The following CUL5 variants were observed in gnomAD, a reference collection of about 807,000 sequenced individuals.
CUL5 encodes the protein cullin 5, also known as cullin-5.
A neutral mutation model predicts 108.8 loss-of-function variants in CUL5; 26 were observed. That is an observed-to-expected ratio of 0.24 (90% confidence interval 0.18 to 0.33). CUL5 has a LOEUF of 0.33. Ranked by LOEUF, CUL5 falls within the 10% of genes least tolerant of loss-of-function variation. CUL5 has a pLI of 1.00. For missense variants in CUL5, 524 were observed against 909.2 expected (o/e 0.58, Z 5.45); for synonymous variants, 334 against 298.0 (o/e 1.12, Z -1.25).
At chr11:108,021,771 C>G (rs1565232854) in intron 1 of CUL5, among the ~76,000 whole-genome samples, 1 of 151,916 alleles carries the variant, frequency 6.6e-6, no homozygotes, top group East Asian at 1.9e-4. Context: ...CTGCCTTGAC[C>G]TCCCACAGTA....
intron 2 of CUL5, among the ~76,000 whole-genome samples, chr11:108,036,261 T>G (rs913324596): frequency 4.6e-5 from 7 of 152,192 alleles, no homozygotes; most frequent in Admixed American, 6.5e-5. Flanking sequence ...TTGTGGAGAT[T>G]TATTCTGCTC....
At chr11:108,017,592 G>A (rs1243140129) in intron 1 of CUL5, among the ~76,000 whole-genome samples, 4 of 151,992 alleles carry the variant, frequency 2.6e-5, no homozygotes, top group Non-Finnish European at 4.4e-5. Context: ...GCTCACGCCT[G>A]TAATTGCAGC....
intron 7 of CUL5, among the ~76,000 whole-genome samples, chr11:108,068,672 T>C (rs906188507): frequency 1.3e-5 from 2 of 152,206 alleles, no homozygotes; most frequent in Non-Finnish European, 2.9e-5. Flanking sequence ...ATCAGCCTTA[T>C]TGTACTTAAC....
In CUL5 at chr11:108,009,335, C is replaced by T; in HGVS notation, c.-14C>T. The T allele has an allele frequency of 6.2e-7, 1 of 1,612,748 alleles. No individual in the cohort carries two copies. The highest frequency in any genetic ancestry group is 8.5e-7 in the Non-Finnish European group (1 of 1,179,430). On this transcript the variant is annotated 5_prime_UTR_variant, in exon 1 of 19. Transcript: ENST00000393094. ...AATTCTCGCGTCGTCTCGCGAGAGTCCAAGTTAAAGAACATGGCGACGTCT... is the reference window on the plus strand; with the variant it reads ...AATTCTCGCGTCGTCTCGCGAGAGTTCAAGTTAAAGAACATGGCGACGTCT...
chr11:108,078,436 T>C (rs563918178), intron 11 of CUL5, among the ~76,000 whole-genome samples, 196 bp downstream of exon 11: 13 of 151,654 alleles, frequency 8.6e-5, no homozygotes, highest in East Asian at 3.9e-4. Flanking sequence ...GACTTTATTT[T>C]TTCAGGTAAA....
intron 1 of CUL5, among the ~76,000 whole-genome samples, chr11:108,020,867 ACATT>A (rs1862312090): frequency 6.6e-6 from 1 of 152,208 alleles, no homozygotes; most frequent in South Asian, 2.1e-4. Context: ...CTAGACCTTC[ACATT>A]CACTCACTAC....
intron 7 of CUL5, among the ~76,000 whole-genome samples, chr11:108,058,148 G>A (rs1219131204): frequency 1.4e-5 from 2 of 140,722 alleles, no homozygotes; most frequent in Non-Finnish European, 3.0e-5. Context: ...GGCAGAGGTT[G>A]CAGTGAGCCG....
In CUL5 at chr11:108,098,406, A is replaced by G; in HGVS notation, c.2025A>G (p.Ile675Met). The change falls in exon 18 of 19, where the codon ATA (isoleucine) becomes ATG (methionine). Residue 675 changes from isoleucine to methionine, a missense_variant and splice_region_variant. Transcript: ENST00000393094. ...LFSVNQEFSL[I>M]KNAKVQKRGK... is the part of the protein sequence containing the mutation. ...ATACTTGATGCAATTCTTTTTGTAG[A>G]AAAAATGCAAAGGTTCAGAAAAGGG... 2 of 1,599,972 alleles carry G rather than the reference A, an allele frequency of 1.3e-6. No individual in the cohort carries two copies. Among genetic ancestry groups the G allele is most frequent in the Non-Finnish European group, 1.7e-6 (2 of 1,175,228 alleles).
chr11:108,019,508 AT>A (rs1176776533), intron 1 of CUL5, among the ~76,000 whole-genome samples: 1 of 152,178 alleles, frequency 6.6e-6, no homozygotes, highest in Non-Finnish European at 1.5e-5. Context: ...CGGATCACAT[AT>A]ATAATGGTGG....
intron 8 of CUL5, 48 bp downstream of exon 8, chr11:108,070,237 C>A (rs772029658): frequency 2.7e-5 from 37 of 1,368,336 alleles, no homozygotes; most frequent in Non-Finnish European, 3.8e-5. Context: ...AAGAGGGTAT[C>A]TTTGAAACAA....
At chr11:108,094,682 TCAAAA>T in intron 14 of CUL5, 125 bp from the exon 15 acceptor site, 1 of 872,982 alleles carries the variant, frequency 1.1e-6, no homozygotes, top group Non-Finnish European at 1.7e-6. Context: ...GATCTTTATT[TCAAAA>T]CAAAAGGACA....
At chr11:108,054,854 T>C (rs369821434) in intron 6 of CUL5, 21 bp from the exon 7 acceptor site, 782 of 1,603,314 alleles carry the variant, frequency 4.9e-4, no homozygotes, top group Non-Finnish European at 5.2e-4. Context: ...TTAAAATGAT[T>C]GCTATTTTGC....
intron 2 of CUL5, among the ~76,000 whole-genome samples, chr11:108,044,661 C>G (rs1469058420): frequency 6.6e-6 from 1 of 151,896 alleles, no homozygotes; most frequent in Non-Finnish European, 1.5e-5. Flanking sequence ...ATGAATGATT[C>G]TTCACTATGA....
chr11:108,105,152 T>G lies in CUL5; in HGVS notation c.*768T>G, dbSNP rs1330858616. The stretch of plus-strand genomic sequence containing the variant: ...TTGTTGCTTCAATAGTTTAAAAAAT[T>G]TATGGAGATAGGTAGGTCATTATGA... On this transcript the variant is annotated 3_prime_UTR_variant, in exon 19 of 19. Coordinates refer to ENST00000393094, the MANE Select transcript of CUL5 (RefSeq NM_003478.6). 1 of 152,180 alleles carries G rather than the reference T, an allele frequency of 6.6e-6. No homozygotes were observed. Among genetic ancestry groups the G allele is most frequent in the Non-Finnish European group, 1.5e-5 (1 of 67,976 alleles). The allele number at this position is 152,180 out of a possible 1,614,324, so 9.4% of individuals were successfully genotyped here. A position where few individuals can be genotyped will look rare whatever the true frequency, so the allele number is the denominator to read the frequency against.
intron 1 of CUL5, among the ~76,000 whole-genome samples, chr11:108,025,316 C>T (rs545425077): frequency 1.3e-5 from 2 of 151,824 alleles, no homozygotes; most frequent in Admixed American, 1.3e-4. Flanking sequence ...TTTATATTTT[C>T]CTGTTTCTTT....
chr11:108,043,428 G>T (rs1178657566), intron 2 of CUL5, among the ~76,000 whole-genome samples: 2 of 152,182 alleles, frequency 1.3e-5, no homozygotes, highest in Non-Finnish European at 2.9e-5. Context: ...GACTGTATAG[G>T]TATGCAGGAG....
At chr11:108,037,127 C>A (rs907802395) in intron 2 of CUL5, among the ~76,000 whole-genome samples, 4 of 151,680 alleles carry the variant, frequency 2.6e-5, no homozygotes, top group African/African-American at 7.3e-5. Context: ...AAAAAAAAAA[C>A]AAAAACAGAG....
rs943690818 is a variant in CUL5, at chr11:108,052,718, A to G, written c.470A>G (p.Asp157Gly). Residue 157 changes from aspartate (D) to glycine (G), a missense_variant, in exon 5 of 19, where the codon GAT becomes GGT. Asp to Gly is a moderately conservative substitution (Grantham distance 94, BLOSUM62 -1). Coordinates refer to ENST00000393094, the MANE Select transcript of CUL5 (RefSeq NM_003478.6). ...IFSNIKNRLQ[D>G]SAMKLVHAER... ...TCAAACATAAAAAACAGACTCCAAG[A>G]TAGTGCAATGAAGCTGGTACATGCT... is the stretch of plus-strand genomic sequence containing the variant. The G allele has an allele frequency of 1.2e-6, 2 of 1,613,554 alleles. No homozygotes were observed. The highest frequency in any genetic ancestry group is 8.5e-7 in the Non-Finnish European group (1 of 1,179,564).
chr11:108,014,446 T>C (rs1565481797), intron 1 of CUL5, among the ~76,000 whole-genome samples: 1 of 152,240 alleles, frequency 6.6e-6, no homozygotes, highest in East Asian at 1.9e-4. Flanking sequence ...GGCAAGGGGT[T>C]TGAAATAAAG....
Sources: allele counts gnomAD v4.1 joint callset (sites outside exome capture counted in the v4.1 genomes callset), GRCh38; gene constraint gnomAD v4.1.1; transcripts MANE v1.5; gene names NCBI Gene and HGNC (gene_info 2026-07-23, HGNC 2026-07-21).